The following CNTNAP2 variants were observed in gnomAD, a reference collection of about 807,000 sequenced individuals.
CNTNAP2 encodes contactin-associated protein-like 2.
A neutral mutation model predicts 155.2 loss-of-function variants in CNTNAP2; 98 were observed. That is an observed-to-expected ratio of 0.63 (90% CI 0.54 to 0.75). The LOEUF is 0.75. CNTNAP2 is among the 30% of genes least tolerant of loss of function. The pLI is 0.00. For synonymous variants in CNTNAP2, 651 were observed against 631.2 expected, an observed-to-expected ratio of 1.03 and a Z score of -0.47; for missense variants, 1,727 against 1,688.1, an observed-to-expected ratio of 1.02 and a Z score of -0.40.
intron 1 of CNTNAP2, among the ~76,000 whole-genome samples, chr7:146,723,609 T>A (rs1279387976): frequency 1.3e-5 from 2 of 152,208 alleles, no homozygotes; most frequent in Admixed American, 1.3e-4. Flanking sequence ...ATGACTCACC[T>A]GGGAAGAACT....
rs1235470104 is a variant in CNTNAP2 at position 146,907,261 on chromosome 7, C to T, written c.402+67357C>T. ...ATCCAGGAGAACTTCCCCAATCTAG[C>T]AAGGCAGGCCAACGTTCAGATTCAG... On this transcript the variant is annotated intron_variant, in intron 3 of 23. Transcript: ENST00000361727. Among the ~76,000 whole-genome samples the T allele has an allele frequency of 2.7e-5, 4 of 147,520 alleles. No individual in the cohort carries two copies. In the East Asian group the frequency reaches 8.1e-4, roughly 30 times the overall value.
chr7:146,525,900 C>T (rs1472243440), intron 1 of CNTNAP2, among the ~76,000 whole-genome samples: 5 of 152,124 alleles, frequency 3.3e-5, no homozygotes, highest in Non-Finnish European at 7.4e-5. Context: ...CAAATCCAGT[C>T]CCCATGCTGT....
In CNTNAP2 at chr7:147,596,212, C is replaced by A. The variant is rs868557262; in HGVS notation, c.1897+33955C>A. 2.0e-5 allele frequency among the ~76,000 whole-genome samples: 3 copies of A among 152,308 alleles called. No individual in the cohort carries two copies. The South Asian group carries it at 6.2e-4, about 32-fold the overall frequency. On this transcript the variant is annotated intron_variant, in intron 12 of 23. Coordinates refer to ENST00000361727, the MANE Select transcript of CNTNAP2 (RefSeq NM_014141.6). ...AGACAAAAAACTGGCAGTCATCATA[C>A]ACACTCGTCTCTCTTTCTCTCCTTT...
intron 17 of CNTNAP2, among the ~76,000 whole-genome samples, chr7:148,148,233 T>C (rs933797020): frequency 1.3e-5 from 2 of 152,094 alleles, no homozygotes; most frequent in Non-Finnish European, 2.9e-5. Flanking sequence ...AAAAGATCAG[T>C]ACAAAAAAGA....
At chr7:148,366,337 A>G (rs1798780723) in intron 21 of CNTNAP2, among the ~76,000 whole-genome samples, 1 of 119,646 alleles carries the variant, frequency 8.4e-6, no homozygotes, top group Non-Finnish European at 1.9e-5. Context: ...ATATCTGTCA[A>G]GCATAATGTC....
chr7:146,793,325 T>G lies in CNTNAP2; in HGVS notation c.208+18944T>G, dbSNP rs145762512. Among the ~76,000 whole-genome samples, 876 of 152,306 alleles carry G rather than the reference T, an allele frequency of 5.8e-3. 6 individuals carry two copies. Among genetic ancestry groups the G allele is most frequent in the African/African-American group, 0.017 (699 of 41,572 alleles). On this transcript the variant is annotated intron_variant, in intron 2 of 23. Coordinates refer to ENST00000361727, the MANE Select transcript of CNTNAP2 (RefSeq NM_014141.6). ...TACATTTAAATTATTTAAAATAAAA[T>G]AGCAAATTTAGATCTGCAGTCTCTC...
intron 13 of CNTNAP2, among the ~76,000 whole-genome samples, chr7:147,788,780 A>T (rs1267973010): frequency 6.6e-6 from 1 of 152,098 alleles, no homozygotes; most frequent in Non-Finnish European, 1.5e-5. Context: ...GCGGTGACGC[A>T]GCCAGTTGCT....
intron 8 of CNTNAP2, among the ~76,000 whole-genome samples, chr7:147,181,239 G>A (rs1023546290): frequency 8.5e-5 from 13 of 152,164 alleles, no homozygotes; most frequent in Middle Eastern, 3.4e-3. Flanking sequence ...CCGGAGATCC[G>A]GGAAAACACA....
At chr7:146,305,646 A>G (rs1332606048) in intron 1 of CNTNAP2, among the ~76,000 whole-genome samples, 3 of 152,130 alleles carry the variant, frequency 2.0e-5, no homozygotes, top group African/African-American at 4.8e-5. Context: ...GGGGCACCCT[A>G]CGAGGTCCAT....
intron 8 of CNTNAP2, among the ~76,000 whole-genome samples, chr7:147,148,254 G>T (rs186074111): frequency 2.0e-5 from 3 of 151,012 alleles, no homozygotes; most frequent in Admixed American, 2.0e-4. Context: ...GCCGGGCGTA[G>T]TGGCGGGCGC....
At chr7:148,353,671 A>ACG (rs1798466529) in intron 21 of CNTNAP2, among the ~76,000 whole-genome samples, 1 of 140,992 alleles carries the variant, frequency 7.1e-6, no homozygotes, top group Admixed American at 7.3e-5. Context: ...ACACACACGC[A>ACG]CACACAAGTA....
At chr7:147,464,490 A>T (rs1305537422) in intron 10 of CNTNAP2, among the ~76,000 whole-genome samples, 3 of 149,896 alleles carry the variant, frequency 2.0e-5, no homozygotes, top group South Asian at 2.1e-4. Flanking sequence ...AAAAAAAAAA[A>T]GTGCGTGTTT....
At chr7:148,242,316 T>C in intron 20 of CNTNAP2, among the ~76,000 whole-genome samples, 1 of 152,176 alleles carries the variant, frequency 6.6e-6, no homozygotes, top group East Asian at 1.9e-4. Context: ...AAAGTAAGTG[T>C]ATCTCAACAT....
intron 15 of CNTNAP2, among the ~76,000 whole-genome samples, chr7:148,097,714 G>C (rs776919653): frequency 1.3e-5 from 2 of 152,132 alleles, no homozygotes; most frequent in East Asian, 3.9e-4. Flanking sequence ...TGTGGATAGC[G>C]GTCTTTTGAA....
At chr7:148,353,250 T>C (rs552783265) in intron 21 of CNTNAP2, among the ~76,000 whole-genome samples, 1 of 152,204 alleles carries the variant, frequency 6.6e-6, no homozygotes, top group East Asian at 1.9e-4. Flanking sequence ...GGATGGGAGA[T>C]AGAAGGAAAC....
At chr7:146,948,204 T>C (rs1200897143) in intron 3 of CNTNAP2, among the ~76,000 whole-genome samples, 3 of 151,858 alleles carry the variant, frequency 2.0e-5, no homozygotes, top group Non-Finnish European at 4.4e-5. Flanking sequence ...AAGGGCCAAA[T>C]ATTTTATGCC....
chr7:148,191,146 G>C (rs1795197872), intron 18 of CNTNAP2, among the ~76,000 whole-genome samples: 1 of 152,160 alleles, frequency 6.6e-6, no homozygotes, highest in African/African-American at 2.4e-5. Flanking sequence ...AGGCCTAATG[G>C]GAGATGTTTA....
At chr7:146,293,819 A>C (rs957471029) in intron 1 of CNTNAP2, among the ~76,000 whole-genome samples, 5 of 152,170 alleles carry the variant, frequency 3.3e-5, no homozygotes, top group Non-Finnish European at 7.3e-5. Flanking sequence ...ATAATTTCTA[A>C]ATAATTTAAA....
intron 3 of CNTNAP2, among the ~76,000 whole-genome samples, chr7:146,888,082 T>G (rs1211667930): frequency 1.3e-5 from 2 of 152,164 alleles, no homozygotes; most frequent in South Asian, 2.1e-4. Flanking sequence ...CATTAGATCA[T>G]TAGCCTCAAG....
Sources: allele counts gnomAD v4.1 joint callset (sites outside exome capture counted in the v4.1 genomes callset), GRCh38; gene constraint gnomAD v4.1.1; transcripts MANE v1.5; gene names NCBI Gene and HGNC (gene_info 2026-07-23, HGNC 2026-07-21).